The following TRHDE variants were observed in gnomAD, a reference collection of about 807,000 sequenced individuals.
The protein encoded by TRHDE is thyrotropin releasing hormone degrading enzyme.
A neutral mutation model predicts 125.7 loss-of-function variants in TRHDE; 72 were observed. The ratio of observed to expected loss-of-function variants is 0.57; its 90% confidence interval spans 0.47 to 0.70. The LOEUF (loss-of-function observed/expected upper bound fraction) is 0.70. TRHDE is among the 30% of genes least tolerant of loss of function. The pLI is 0.00. For synonymous variants in TRHDE, 509 were observed against 509.1 expected (o/e 1.00, Z 0.00); for missense variants, 1,110 against 1,327.1 (o/e 0.84, Z 2.54).
At position 72,239,256 on chromosome 12, in the gene TRHDE, GT is replaced by G. The variant is rs373795329; in HGVS notation, n.279+133507del. 7.5e-4 allele frequency among the ~76,000 whole-genome samples: 112 copies of G among 149,246 alleles called. No homozygotes were observed. In the East Asian group the frequency reaches 0.02, roughly 26 times the overall value. Reference sequence around the variant, plus strand: ...ATTTTTTTTTTTTTCTTGTAAATTTGTTTAAGTTCTTTATGGATTCTGGATA... The same window carrying G: ...ATTTTTTTTTTTTTCTTGTAAATTTGTTAAGTTCTTTATGGATTCTGGATA... On this transcript the variant is annotated intron_variant and non_coding_transcript_variant, in intron 2 of 4. Transcript: ENST00000548156.
intron 6 of TRHDE, among the ~76,000 whole-genome samples, chr12:72,538,099 T>C (rs1449894420): frequency 2.0e-5 from 3 of 152,070 alleles, no homozygotes; most frequent in Non-Finnish European, 4.4e-5. Flanking sequence ...CACTGGGTCA[T>C]CTTTTGCTTT....
intron 6 of TRHDE, among the ~76,000 whole-genome samples, chr12:72,519,176 A>C (rs1037707078): frequency 6.6e-6 from 1 of 152,032 alleles, no homozygotes; most frequent in African/African-American, 2.4e-5. Context: ...GTATTTCCTG[A>C]ATCTGAATGT....
At chr12:72,335,702 A>T (rs1869801237) in intron 2 of TRHDE, among the ~76,000 whole-genome samples, 1 of 152,238 alleles carries the variant, frequency 6.6e-6, no homozygotes, top group South Asian at 2.1e-4. Flanking sequence ...ATTGAATGAA[A>T]CATTGAGTAA....
intron 1 of TRHDE, among the ~76,000 whole-genome samples, chr12:72,277,308 A>G (rs1879522376): frequency 6.6e-6 from 1 of 152,138 alleles, no homozygotes; most frequent in Non-Finnish European, 1.5e-5. Context: ...CTACTGTGGT[A>G]TTTGTGTGAT....
chr12:72,575,465 TA>T (rs766612837), intron 11 of TRHDE, 21 bp from the exon 12 acceptor site: 19 of 1,613,440 alleles, frequency 1.2e-5, no homozygotes, highest in Middle Eastern at 1.6e-4. Flanking sequence ...ATTATCCTAT[TA>T]TTTTTTCTAA....
At chr12:72,434,902 C>T (rs1182040476) in intron 3 of TRHDE, among the ~76,000 whole-genome samples, 4 of 152,162 alleles carry the variant, frequency 2.6e-5, no homozygotes, top group South Asian at 2.1e-4. Flanking sequence ...CAGAGTAGAA[C>T]AAGGGCATGA....
chr12:72,164,075 A>C (rs373573282), intron 2 of TRHDE, among the ~76,000 whole-genome samples: 3 of 152,292 alleles, frequency 2.0e-5, no homozygotes, highest in South Asian at 4.1e-4. Flanking sequence ...CCGCCACTGC[A>C]CTCCATCCTG....
intron 12 of TRHDE, among the ~76,000 whole-genome samples, chr12:72,604,755 T>G (rs557149807): frequency 3.3e-5 from 5 of 152,222 alleles, no homozygotes; most frequent in African/African-American, 1.2e-4. Context: ...ATGCTTCAAC[T>G]TTAGAAAATT....
chr12:72,574,040 T>C (rs1870874892), intron 10 of TRHDE, among the ~76,000 whole-genome samples: 1 of 152,058 alleles, frequency 6.6e-6, no homozygotes, highest in Non-Finnish European at 1.5e-5. Context: ...ATAATATGCA[T>C]TGGGTTTATT....
intron 3 of TRHDE, among the ~76,000 whole-genome samples, chr12:72,406,047 A>T (rs529028190): frequency 2.0e-5 from 3 of 152,324 alleles, no homozygotes; most frequent in African/African-American, 7.2e-5. Context: ...GAGAAGAAGC[A>T]GCAGCTTAAG....
At chr12:72,220,498 A>G (rs1193327483) in intron 2 of TRHDE, among the ~76,000 whole-genome samples, 1 of 151,828 alleles carries the variant, frequency 6.6e-6, no homozygotes, top group Non-Finnish European at 1.5e-5. Context: ...TATTTTTTCA[A>G]TTTCTTCTAT....
chr12:72,399,826 C>T (rs1285949290), intron 3 of TRHDE, among the ~76,000 whole-genome samples: 1 of 152,018 alleles, frequency 6.6e-6, no homozygotes, highest in African/African-American at 2.4e-5. Flanking sequence ...AGTAAACTTT[C>T]AATGATAAAT....
chr12:72,622,600 T>A (rs1270197240), intron 15 of TRHDE, among the ~76,000 whole-genome samples: 1 of 152,036 alleles, frequency 6.6e-6, no homozygotes, highest in Non-Finnish European at 1.5e-5. Flanking sequence ...AGCGGGGTTG[T>A]TCCTGATATG....
At chr12:72,508,699 T>G (rs1044532505) in intron 6 of TRHDE, among the ~76,000 whole-genome samples, 1 of 152,168 alleles carries the variant, frequency 6.6e-6, no homozygotes, top group African/African-American at 2.4e-5. Flanking sequence ...AGGGGACTGC[T>G]GGGAAAGCAT....
At chr12:72,291,858 G>T (rs1431770985) in intron 2 of TRHDE, among the ~76,000 whole-genome samples, 8 of 152,184 alleles carry the variant, frequency 5.3e-5, no homozygotes, top group Admixed American at 5.2e-4. Context: ...TAGATACCAA[G>T]GGATGACTGT....
At chr12:72,345,368 T>C (rs989991102) in intron 2 of TRHDE, among the ~76,000 whole-genome samples, 1 of 152,096 alleles carries the variant, frequency 6.6e-6, no homozygotes, top group Admixed American at 6.6e-5. Context: ...ATGATGTCAT[T>C]GAATGCAGAG....
chr12:72,191,611 G>A (rs1877342822), intron 2 of TRHDE, among the ~76,000 whole-genome samples: 2 of 152,038 alleles, frequency 1.3e-5, no homozygotes, highest in African/African-American at 2.4e-5. Context: ...ATTTGAGAAC[G>A]TTTCAACTGT....
intron 2 of TRHDE, among the ~76,000 whole-genome samples, chr12:72,295,923 CTATT>C (rs1208678514): frequency 1.3e-5 from 2 of 152,114 alleles, no homozygotes; most frequent in Admixed American, 1.3e-4. Flanking sequence ...GGATTACAAT[CTATT>C]TAGGAATGTA....
chr12:72,596,854 A>T lies in TRHDE; in HGVS notation c.2321+21312A>T, dbSNP rs144518044. The stretch of plus-strand genomic sequence containing the variant: ...AAGAAGGAGGAAAACATTTTAAAAA[A>T]TCAGCATGAAAAAGATAAAATGATA... On this transcript the variant is annotated intron_variant, in intron 12 of 18. Transcript: ENST00000261180. Among the ~76,000 whole-genome samples the T allele has an allele frequency of 2.1e-3, 319 of 152,364 alleles. 1 individual carries two copies. The highest frequency in any genetic ancestry group is 6.7e-3 in the African/African-American group (279 of 41,596).
Sources: gnomAD v4.1 joint callset for allele counts (sites outside exome capture counted in the v4.1 genomes callset) on GRCh38, gnomAD v4.1.1 for gene constraint, MANE v1.5 for transcripts, NCBI Gene and HGNC (gene_info 2026-07-23, HGNC 2026-07-21) for gene names.